Variants in HMCN1 observed in about 807,000 individuals in gnomAD.
The protein encoded by HMCN1 is hemicentin 1, also known as hemicentin-1.
Under a neutral mutation model 625.9 loss-of-function variants are expected in HMCN1, and 321 were observed. That is an observed-to-expected ratio of 0.51 (90% CI 0.47 to 0.56). HMCN1 has a LOEUF of 0.56. HMCN1 is among the 20% of genes least tolerant of loss of function. HMCN1 has a pLI of 0.00. For synonymous variants in HMCN1, 2,425 were observed against 2,417.6 expected, an observed-to-expected ratio of 1.00 and a Z score of -0.09; for missense variants, 6,588 against 6,887.3, an observed-to-expected ratio of 0.96 and a Z score of 1.54.
At chr1:186,095,084 G>T (rs1399813715) in intron 67 of HMCN1, among the ~76,000 whole-genome samples, 159 bp from the exon 68 acceptor site, 1 of 152,134 alleles carries the variant, frequency 6.6e-6, no homozygotes, top group Non-Finnish European at 1.5e-5. Flanking sequence ...ATTCCTAATA[G>T]ATATTTTTAT....
intron 34 of HMCN1, among the ~76,000 whole-genome samples, chr1:186,018,724 G>C (rs564216951): frequency 1.9e-4 from 29 of 152,120 alleles, no homozygotes; most frequent in African/African-American, 7.0e-4. Flanking sequence ...TTATGTAAGC[G>C]TTTAAGGGTT....
At chr1:186,147,677 T>G (rs1310002888) in intron 93 of HMCN1, among the ~76,000 whole-genome samples, 2 of 152,186 alleles carry the variant, frequency 1.3e-5, no homozygotes, top group African/African-American at 4.8e-5. Flanking sequence ...ACATGAATGT[T>G]TTGGTGCATA....
rs1360399581 is a variant in HMCN1 at position 185,962,671 on chromosome 1, G to T, written c.1970+12G>T. The T allele has an allele frequency of 6.6e-7, 1 of 1,505,858 alleles. No individual in the cohort carries two copies. Among genetic ancestry groups the T allele is most frequent in the African/African-American group, 1.4e-5 (1 of 72,696 alleles). The allele number at this position is 1,505,858 out of a possible 1,614,324, so 93.3% of individuals were successfully genotyped here. On this transcript the variant is annotated intron_variant, in intron 12 of 106. Transcript: ENST00000271588. ...GTGGGTTCACACAGGTACTGGGTTT[G>T]TATCATGTTTTTGTTTTTATTGAGT...
At chr1:185,869,798 A>T (rs976667765) in intron 4 of HMCN1, among the ~76,000 whole-genome samples, 2 of 152,146 alleles carry the variant, frequency 1.3e-5, no homozygotes, top group Non-Finnish European at 2.9e-5. Flanking sequence ...GGGAAAACAG[A>T]TGCTATACTG....
intron 2 of HMCN1, among the ~76,000 whole-genome samples, chr1:185,855,278 A>C (rs1662396692): frequency 6.6e-6 from 1 of 152,202 alleles, no homozygotes; most frequent in Non-Finnish European, 1.5e-5. Context: ...TTTGAAGGTC[A>C]CAATAAAAAG....
At chr1:186,161,352 G>T (rs138740915) in intron 97 of HMCN1, among the ~76,000 whole-genome samples, 2 of 150,474 alleles carry the variant, frequency 1.3e-5, no homozygotes, top group African/African-American at 5.0e-5. Flanking sequence ...ACAACACGCT[G>T]ATGGGTCTTG....
chr1:186,172,614 C>T (rs1158732154), intron 102 of HMCN1, among the ~76,000 whole-genome samples: 1 of 152,060 alleles, frequency 6.6e-6, no homozygotes, highest in African/African-American at 2.4e-5. Context: ...CATCAATGAC[C>T]AGACACAAAG....
At chr1:185,762,254 T>TTTAAGATCTGCCA (rs1655561050) in intron 1 of HMCN1, among the ~76,000 whole-genome samples, 1 of 152,198 alleles carries the variant, frequency 6.6e-6, no homozygotes, top group Non-Finnish European at 1.5e-5. Flanking sequence ...CTCCATATAT[T>TTTAAGATCTGCCA]TTTTAAATGA....
At chr1:186,129,845 A>G (rs896820899) in intron 83 of HMCN1, 121 bp from the exon 84 acceptor site, 1 of 1,171,874 alleles carries the variant, frequency 8.5e-7, no homozygotes. Context: ...CTCTTCTCCA[A>G]TGTCATCTCT....
At position 185,903,765 on chromosome 1, in the gene HMCN1, A is replaced by T. The variant is rs1232319410; in HGVS notation, c.622-5572A>T. On this transcript the variant is annotated intron_variant, in intron 4 of 106. Coordinates refer to ENST00000271588, the MANE Select transcript of HMCN1 (RefSeq NM_031935.3). ...GGATCCATCCTCAGGAATAGACTTG[A>T]ACTAACCAAACTTAGAGGAGTGCTG... Among the ~76,000 whole-genome samples the T allele has an allele frequency of 2.6e-5, 4 of 151,792 alleles. No homozygotes were observed. In the East Asian group the frequency reaches 7.7e-4, roughly 29 times the overall value.
chr1:186,050,709 G>A (rs1656893806), intron 42 of HMCN1, among the ~76,000 whole-genome samples: 1 of 152,124 alleles, frequency 6.6e-6, no homozygotes, highest in African/African-American at 2.4e-5. Context: ...GCAGAATGCA[G>A]TAGATATAAG....
chr1:185,870,964 G>C (rs754444474), intron 4 of HMCN1, among the ~76,000 whole-genome samples: 1 of 151,702 alleles, frequency 6.6e-6, no homozygotes, highest in Non-Finnish European at 1.5e-5. Context: ...CCCTGGCTGC[G>C]GTCACGTCTG....
chr1:185,907,926 A>G (rs769126933), intron 4 of HMCN1, among the ~76,000 whole-genome samples: 1 of 148,644 alleles, frequency 6.7e-6, no homozygotes, highest in Non-Finnish European at 1.5e-5. Context: ...AATTTCATTG[A>G]CATTAGTATA....
chr1:185,860,976 T>C (rs1048693560), intron 2 of HMCN1, among the ~76,000 whole-genome samples: 2 of 152,232 alleles, frequency 1.3e-5, no homozygotes, highest in African/African-American at 4.8e-5. Context: ...TGAAAAATGT[T>C]TGTAGTCTTA....
At chr1:185,751,786 A>G (rs1654831848) in intron 1 of HMCN1, among the ~76,000 whole-genome samples, 1 of 150,950 alleles carries the variant, frequency 6.6e-6, no homozygotes, top group Admixed American at 6.6e-5. Flanking sequence ...TACATTTTCA[A>G]TTTCAATGAT....
chr1:186,023,337 ATCT>A (rs1189616453), intron 36 of HMCN1, among the ~76,000 whole-genome samples, 184 bp downstream of exon 36: 1 of 145,158 alleles, frequency 6.9e-6, no homozygotes, highest in Non-Finnish European at 1.5e-5. Flanking sequence ...TCGTGTTAGG[ATCT>A]TCTGTTTTCA....
intron 44 of HMCN1, among the ~76,000 whole-genome samples, chr1:186,054,602 C>T (rs536652189): frequency 3.7e-4 from 56 of 152,084 alleles, no homozygotes; most frequent in African/African-American, 9.2e-4. Flanking sequence ...ATCAGTGACA[C>T]GTGAATTCAG....
intron 56 of HMCN1, among the ~76,000 whole-genome samples, 160 bp downstream of exon 56, chr1:186,081,554 C>T (rs1659172590): frequency 1.3e-5 from 2 of 152,148 alleles, no homozygotes; most frequent in African/African-American, 2.4e-5. Context: ...TCTTCTTCCT[C>T]ATTCTATTCC....
At chr1:185,758,970 C>A (rs1042529720) in intron 1 of HMCN1, among the ~76,000 whole-genome samples, 3 of 152,140 alleles carry the variant, frequency 2.0e-5, no homozygotes, top group African/African-American at 7.2e-5. Context: ...TAATATCAGT[C>A]TAACTCTCTA....
Sources: gnomAD v4.1 joint callset for allele counts (sites outside exome capture counted in the v4.1 genomes callset) on GRCh38, gnomAD v4.1.1 for gene constraint, MANE v1.5 for transcripts, NCBI Gene and HGNC (gene_info 2026-07-23, HGNC 2026-07-21) for gene names.